Variants in ARHGAP10 observed in about 807,000 individuals in gnomAD.
ARHGAP10 encodes rho GTPase-activating protein 10.
Under a neutral mutation model 108.6 loss-of-function variants are expected in ARHGAP10, and 87 were observed. The ratio of observed to expected loss-of-function variants is 0.80; its 90% CI spans 0.67 to 0.96. The LOEUF (loss-of-function observed/expected upper bound fraction) is 0.96. Among genes scored for constraint, ARHGAP10 ranks in the 40% least tolerant of loss-of-function variants. The pLI is 0.00. For missense variants in ARHGAP10, 939 were observed against 954.5 expected (o/e 0.98, Z 0.21); for synonymous variants, 347 against 341.1 (o/e 1.02, Z -0.19).
intron 18 of ARHGAP10, among the ~76,000 whole-genome samples, chr4:148,013,706 C>G (rs1033489663): frequency 1.3e-5 from 2 of 152,022 alleles, no homozygotes; most frequent in African/African-American, 4.8e-5. Context: ...GGAAAAGTTA[C>G]TCTAGCCTAC....
intron 3 of ARHGAP10, among the ~76,000 whole-genome samples, chr4:147,838,364 G>C (rs1026934235): frequency 2.0e-5 from 3 of 152,092 alleles, no homozygotes; most frequent in Non-Finnish European, 2.9e-5. Context: ...CAGCTACTTA[G>C]GAGGCTGAGG....
chr4:148,012,271 T>C (rs1202910331), intron 18 of ARHGAP10, among the ~76,000 whole-genome samples: 1 of 152,214 alleles, frequency 6.6e-6, no homozygotes, highest in Non-Finnish European at 1.5e-5. Flanking sequence ...CCCCCTGTGC[T>C]TTTGAGACAT....
At chr4:147,933,660 A>G (rs911709214) in intron 13 of ARHGAP10, among the ~76,000 whole-genome samples, 27 of 150,190 alleles carry the variant, frequency 1.8e-4, no homozygotes, top group Non-Finnish European at 3.4e-4. Flanking sequence ...GACCCAAAAA[A>G]GATACTGGGA....
At chr4:147,870,328 T>C (rs1250576853) in intron 7 of ARHGAP10, among the ~76,000 whole-genome samples, 1 of 152,162 alleles carries the variant, frequency 6.6e-6, no homozygotes, top group African/African-American at 2.4e-5. Context: ...CCCAAAGTGT[T>C]GGGATTACAG....
At chr4:147,923,233 T>A (rs947972727) in intron 13 of ARHGAP10, among the ~76,000 whole-genome samples, 2 of 152,222 alleles carry the variant, frequency 1.3e-5, no homozygotes, top group African/African-American at 4.8e-5. Context: ...AAGTACATCA[T>A]GTTATGTGTG....
At chr4:147,783,066 TTA>T (rs1456529048) in intron 1 of ARHGAP10, among the ~76,000 whole-genome samples, 3 of 141,548 alleles carry the variant, frequency 2.1e-5, no homozygotes, top group Non-Finnish European at 4.5e-5. Context: ...ATTATATATA[TTA>T]TATAAATTAT....
intron 1 of ARHGAP10, among the ~76,000 whole-genome samples, chr4:147,746,003 T>C (rs944069382): frequency 6.6e-6 from 1 of 151,360 alleles, no homozygotes; most frequent in African/African-American, 2.4e-5. Flanking sequence ...TTGGTCAGGC[T>C]TATCTCGAAC....
Position 148,072,223 on chromosome 4 carries a change from G to C in ARHGAP10, c.*142G>C, listed in dbSNP as rs1055378968. On this transcript the variant is annotated 3_prime_UTR_variant, in exon 23 of 23. Transcript: ENST00000336498. ...GTTACCATCATCACAGTCAGCCCTG[G>C]GGGTGGGGGGTGGTGGGCAGGGATG... is the stretch of plus-strand genomic sequence containing the variant. 21 of 566,042 alleles carry C rather than the reference G, an allele frequency of 3.7e-5. No individual in the cohort carries two copies. The highest frequency in any genetic ancestry group is 6.9e-5 in the Admixed American group (2 of 29,144). 35.1% of individuals were successfully genotyped at this position (566,042 alleles called of 1,614,324 possible).
intron 18 of ARHGAP10, among the ~76,000 whole-genome samples, chr4:148,017,188 T>G (rs1475306885): frequency 6.6e-6 from 1 of 152,156 alleles, no homozygotes; most frequent in Non-Finnish European, 1.5e-5. Context: ...AATGCCTGAC[T>G]GTTCAGATTC....
rs1030002467 is a variant in ARHGAP10, at chr4:147,881,821, A to C, written c.940-17A>C. ...TATCCTGTAGGTTTTGAGAATGTTC[A>C]AAATGATTATTTGCAGGGGGACGGA... On this transcript the variant is annotated splice_polypyrimidine_tract_variant and intron_variant, in intron 9 of 22. Transcript: ENST00000336498. 1.2e-6 allele frequency: 2 copies of C among 1,612,760 alleles called. No individual in the cohort carries two copies. The highest frequency in any genetic ancestry group is 1.3e-5 in the African/African-American group (1 of 75,006).
intron 16 of ARHGAP10, among the ~76,000 whole-genome samples, chr4:147,959,195 A>T (rs1019035971): frequency 6.6e-5 from 10 of 152,110 alleles, no homozygotes; most frequent in African/African-American, 2.4e-4. Context: ...TCAAAACAAG[A>T]TAGAGAAAAA....
intron 6 of ARHGAP10, chr4:147,865,222 C>T: frequency 3.1e-6 from 1 of 319,468 alleles, no homozygotes; most frequent in Non-Finnish European, 5.8e-6. Context: ...GCAATTTCTG[C>T]CACCTTAGCC....
intron 1 of ARHGAP10, among the ~76,000 whole-genome samples, chr4:147,793,179 T>C (rs987893380): frequency 2.0e-5 from 3 of 151,854 alleles, no homozygotes; most frequent in African/African-American, 4.8e-5. Context: ...TGTGTGTGTG[T>C]GCATATATGT....
chr4:147,873,561 C>T (rs902699131), intron 7 of ARHGAP10, among the ~76,000 whole-genome samples: 1 of 151,742 alleles, frequency 6.6e-6, no homozygotes, highest in South Asian at 2.1e-4. Flanking sequence ...GATGGTGGCT[C>T]ATGCTTATAA....
chr4:147,764,463 TG>T (rs1025500971), intron 1 of ARHGAP10, among the ~76,000 whole-genome samples: 61 of 151,560 alleles, frequency 4.0e-4, no homozygotes, highest in Admixed American at 3.4e-3. Context: ...TCGGCTCCCA[TG>T]CAGTAATAGT....
At chr4:147,909,664 G>A (rs1431905316) in intron 11 of ARHGAP10, 68 bp from the exon 12 acceptor site, 1 of 1,312,944 alleles carries the variant, frequency 7.6e-7, no homozygotes, top group African/African-American at 1.5e-5. Context: ...ATGGTCCTCA[G>A]TGTGCCTACT....
chr4:147,772,741 A>G (rs1020614338), intron 1 of ARHGAP10, among the ~76,000 whole-genome samples: 2 of 152,248 alleles, frequency 1.3e-5, no homozygotes, highest in Non-Finnish European at 2.9e-5. Flanking sequence ...CAGAGTTTTT[A>G]CAGGCATTTT....
intron 18 of ARHGAP10, among the ~76,000 whole-genome samples, chr4:147,999,636 G>C (rs1740618017): frequency 6.6e-6 from 1 of 152,194 alleles, no homozygotes; most frequent in Admixed American, 6.5e-5. Flanking sequence ...TGGGTTCCAC[G>C]GTTCTCTTCA....
At chr4:147,958,407 G>A (rs546363009) in intron 16 of ARHGAP10, among the ~76,000 whole-genome samples, 7 of 152,300 alleles carry the variant, frequency 4.6e-5, no homozygotes, top group Non-Finnish European at 1.0e-4. Context: ...TAGTTGGGAA[G>A]CAAAATGATT....
Sources: gnomAD v4.1 joint callset for allele counts (sites outside exome capture counted in the v4.1 genomes callset) on GRCh38, gnomAD v4.1.1 for gene constraint, MANE v1.5 for transcripts, NCBI Gene and HGNC (gene_info 2026-07-23, HGNC 2026-07-21) for gene names.